The following SLX4 variants were observed in gnomAD, a reference collection of about 807,000 sequenced individuals.
The protein encoded by SLX4 is SLX4 structure-specific endonuclease subunit.
A neutral mutation model predicts 146.2 loss-of-function variants in SLX4; 112 were observed. That is an observed-to-expected ratio of 0.77 (90% CI 0.66 to 0.90). The LOEUF (loss-of-function observed/expected upper bound fraction) is 0.90. SLX4 is among the 40% of genes least tolerant of loss of function. The pLI, the probability that SLX4 is intolerant of heterozygous loss-of-function variation, is 0.00. For synonymous variants in SLX4, 1,061 were observed against 997.7 expected (o/e 1.06, Z -1.20); for missense variants, 2,563 against 2,392.7 (o/e 1.07, Z -1.49).
Position 3,583,518 on chromosome 16 carries a change from A to T in SLX4, c.4740-8T>A. The T allele has an allele frequency of 1.2e-6, 2 of 1,613,824 alleles. No individual in the cohort carries two copies. Among genetic ancestry groups the T allele is most frequent in the East Asian group, 2.2e-5 (1 of 44,898 alleles). ...AGAGGGCGGACTCCAAACCTGACGG[A>T]GGAACAGGTGGATCTCAGGACCCAC... On this transcript the variant is annotated splice_polypyrimidine_tract_variant and splice_region_variant and intron_variant, in intron 13 of 14. Transcript: ENST00000294008.
In SLX4 at chr16:3,583,151, TGA is replaced by T. The variant is rs1022072026; in HGVS notation, c.5097_5098del (p.Gln1700ArgfsTer11). ...ATCCACAGAGGTGGCCACGGATTCT[TGA>T]GAGGCTGGGATCTGGGCGTCATCAT... On this transcript the variant is annotated frameshift_variant, in exon 14 of 15. Transcript: ENST00000294008. LOFTEE classifies it high-confidence loss of function. 1.2e-6 allele frequency: 2 copies of T among 1,614,010 alleles called. No individual in the cohort carries two copies. Among genetic ancestry groups the T allele is most frequent in the African/African-American group, 2.7e-5 (2 of 74,944 alleles).
rs2040443234 is a variant in SLX4, at chr16:3,582,169, G to A, written c.*173C>T. The A allele has an allele frequency of 3.2e-6, 2 of 619,378 alleles. No homozygotes were observed. The highest frequency in any genetic ancestry group is 1.8e-5 in the African/African-American group (1 of 54,432). 38.4% of individuals were successfully genotyped at this position (619,378 alleles called of 1,614,324 possible). A position where few individuals can be genotyped will look rare whatever the true frequency, so the allele number is the denominator to read the frequency against. ...CCACCCTAGAAAGCAGAGCCCAGAG[G>A]AGGAAGCCCTGGATTGGGCTGTGGT... On this transcript the variant is annotated 3_prime_UTR_variant, in exon 15 of 15. Coordinates refer to ENST00000294008, the MANE Select transcript of SLX4 (RefSeq NM_032444.4).
At position 3,608,717 on chromosome 16, in the gene SLX4, C is replaced by G. The variant is rs771698977; in HGVS notation, c.248G>C (p.Gly83Ala). ...TTTCAATTTGCTTCTTATCTGAGTG[C>G]CGTTTGAGGCAGCCTTTTGTGTCTT... ...ERKTQKAASNGTQIRSKLKRT... is the reference protein window; with the variant it reads ...ERKTQKAASNATQIRSKLKRT... Residue 83 changes from glycine to alanine, a missense_variant, in exon 2 of 15, where the codon GGC becomes GCC. By Grantham distance (60) the Gly-to-Ala change is moderately conservative (BLOSUM62 0). Transcript: ENST00000294008. 43 of 1,614,046 alleles carry G rather than the reference C, an allele frequency of 2.7e-5. No individual in the cohort carries two copies. Among genetic ancestry groups the G allele is most frequent in the Admixed American group, 5.0e-5 (3 of 59,994 alleles).
At chr16:3,588,654 A>G (rs1246089716) in intron 12 of SLX4, among the ~76,000 whole-genome samples, 1 of 152,224 alleles carries the variant, frequency 6.6e-6, no homozygotes, top group Admixed American at 6.5e-5. Flanking sequence ...ACCCTGGTCC[A>G]ATCTTAAGGC....
Position 3,590,867 on chromosome 16 carries a change from C to T in SLX4, c.2771G>A (p.Gly924Glu). ...CTGGGGTGGCGGGAGAGCGCACTGT[C>T]CCATCTTCTCCCAGGTGGTGGCGGC... is the stretch of plus-strand genomic sequence containing the variant. ...DEAATTWEKMGQCALPPPQGQ... is the reference protein window; with the variant it reads ...DEAATTWEKMEQCALPPPQGQ... Residue 924 changes from glycine (G) to glutamate (E), a missense_variant, in exon 12 of 15, where the codon GGA becomes GAA. Coordinates refer to ENST00000294008, the MANE Select transcript of SLX4 (RefSeq NM_032444.4). This position sits in a 1 kb window ranked among gnomAD's most constrained non-coding sequence, Gnocchi z 4.8. 6.2e-7 allele frequency: 1 copy of T among 1,614,140 alleles called. No homozygotes were observed. Among genetic ancestry groups the T allele is most frequent in the Non-Finnish European group, 8.5e-7 (1 of 1,180,032 alleles).
Position 3,582,043 on chromosome 16 carries a change from AAAG to A in SLX4, c.*296_*298del. 1.0e-5 allele frequency: 5 copies of A among 477,094 alleles called. No individual in the cohort carries two copies. Among genetic ancestry groups the A allele is most frequent in the Non-Finnish European group, 1.9e-5 (5 of 262,948 alleles). The allele number at this position is 477,094 out of a possible 1,614,324, so 29.6% of individuals were successfully genotyped here. A position where few individuals can be genotyped will look rare whatever the true frequency, so the allele number is the denominator to read the frequency against. On this transcript the variant is annotated 3_prime_UTR_variant, in exon 15 of 15. Transcript: ENST00000294008. The stretch of plus-strand genomic sequence containing the variant: ...AGGTGACACAGCACGACTGTCTCAA[AAAG>A]AAAAAAAAAAAGAAAACCAAAAAGG...
Position 3,602,252 on chromosome 16 carries a change from C to T in SLX4, c.816G>A (p.Leu272=), listed in dbSNP as rs1305962254. Residue 272 remains leucine, a synonymous_variant, in exon 4 of 15, where the codon CTG becomes CTA. Coordinates refer to ENST00000294008, the MANE Select transcript of SLX4 (RefSeq NM_032444.4). ...CTCCTACCCGTGCAAACTCCTGCTG[C>T]AGGGTCAAGGCCACCGCAGCGTCGC... ...PESDAAVALT[L]QQEFARVGAS... The T allele has an allele frequency of 6.2e-7, 1 of 1,614,178 alleles. No individual in the cohort carries two copies. Among genetic ancestry groups the T allele is most frequent in the Admixed American group, 1.7e-5 (1 of 60,030 alleles).
chr16:3,603,117 G>T (rs993292042), intron 3 of SLX4, among the ~76,000 whole-genome samples: 1 of 152,138 alleles, frequency 6.6e-6, no homozygotes, highest in Non-Finnish European at 1.5e-5. Flanking sequence ...GCAACGACGC[G>T]ATCTCAGCTC....
At position 3,597,927 on chromosome 16, in the gene SLX4, C is replaced by G; in HGVS notation, c.1236G>C (p.Lys412Asn). The change falls in exon 6 of 15, where the codon AAG (lysine) becomes AAC (asparagine). Residue 412 changes from lysine to asparagine, a missense_variant. By Grantham distance (94) the Lys-to-Asn change is moderately conservative. Coordinates refer to ENST00000294008, the MANE Select transcript of SLX4 (RefSeq NM_032444.4). This position sits in a 1 kb window ranked among gnomAD's most constrained non-coding sequence, Gnocchi z 4.4. ...GGTCCTCGGACGGTGCCTCGTCCAC[C>G]TTCCGCCTCTTCCGTGGCTCCTTCT... ...TSKKEPRKRR[K>N]VDEAPSEDLL... is the part of the protein sequence containing the mutation. 6.2e-7 allele frequency: 1 copy of G among 1,614,178 alleles called. No individual in the cohort carries two copies. Among genetic ancestry groups the G allele is most frequent in the Non-Finnish European group, 8.5e-7 (1 of 1,180,046 alleles).
chr16:3,605,148 G>T (rs1305589130), intron 3 of SLX4, among the ~76,000 whole-genome samples: 2 of 151,390 alleles, frequency 1.3e-5, no homozygotes, highest in South Asian at 2.1e-4. Context: ...GGAGTGCAGT[G>T]GTGCAATCTC....
chr16:3,591,028 T>C lies in SLX4; in HGVS notation c.2610A>G (p.Ala870=), dbSNP rs749091186. Residue 870 remains alanine, a synonymous_variant, in exon 12 of 15, where the codon GCA becomes GCG. Coordinates refer to ENST00000294008, the MANE Select transcript of SLX4 (RefSeq NM_032444.4). ...TQRKLLQEER[A]AGAGEDADWL... ...AGTCAGCGTCCTCGCCGGCACCCGC[T>C]GCCCTTTCTTCCTGGAGAAGCTTTC... 6.2e-7 allele frequency: 1 copy of C among 1,614,194 alleles called. No homozygotes were observed.
chr16:3,595,625 C>T lies in SLX4; in HGVS notation c.1993G>A (p.Asp665Asn), dbSNP rs1297313370. The change falls in exon 9 of 15, where the codon GAC becomes AAC. Residue 665 changes from aspartate to asparagine, a missense_variant. Asp to Asn is a conservative substitution (Grantham distance 23). Coordinates refer to ENST00000294008, the MANE Select transcript of SLX4 (RefSeq NM_032444.4). ...CTTACCAAGGTGCGGCCGCCCCTGT[C>T]CGGGTGCTTGTCCTGCGATGGCACC... ...FVVPSQDKHP[D>N]RGGRTLLSLG... 1.2e-6 allele frequency: 2 copies of T among 1,613,914 alleles called. No homozygotes were observed. Among genetic ancestry groups the T allele is most frequent in the African/African-American group, 2.7e-5 (2 of 74,932 alleles).
rs2040543925 is a variant in SLX4, at chr16:3,589,206, T to C, written c.4432A>G (p.Ile1478Val). Residue 1478 changes from isoleucine to valine, a missense_variant, in exon 12 of 15, where the codon ATC becomes GTC. Transcript: ENST00000294008. This position sits in a 1 kb window ranked among gnomAD's most constrained non-coding sequence, Gnocchi z 6.2. The stretch of plus-strand genomic sequence containing the variant: ...CTCTGGGTAGTGCAGCTTCCTCGGA[T>C]GGGGGTGGTGTCCAGGAGTCCCGGG... The part of the protein sequence containing the change: ...RSPGLLDTTP[I>V]RGSCTTQRKL... 1 of 1,613,630 alleles carries C rather than the reference T, an allele frequency of 6.2e-7. No individual in the cohort carries two copies. Among genetic ancestry groups the C allele is most frequent in the Non-Finnish European group, 8.5e-7 (1 of 1,179,780 alleles).
In SLX4 at chr16:3,598,007, A is replaced by T. The variant is rs1457141357; in HGVS notation, c.1164-8T>A. The stretch of plus-strand genomic sequence containing the variant: ...CTACTGTGATCACTGAAGCTAGAAA[A>T]CAGCCAAAGAGAAAAGTTACTGGGG... On this transcript the variant is annotated splice_region_variant and splice_polypyrimidine_tract_variant and intron_variant, in intron 5 of 14. Transcript: ENST00000294008. 6.2e-7 allele frequency: 1 copy of T among 1,613,994 alleles called. No homozygotes were observed. Among genetic ancestry groups the T allele is most frequent in the Non-Finnish European group, 8.5e-7 (1 of 1,180,034 alleles).
At position 3,602,107 on chromosome 16, in the gene SLX4, G is replaced by A. The variant is rs376019091; in HGVS notation, c.950+11C>T. ...ATACACGGGAGAGGCGACGGCCCAA[G>A]CTGCCCCCACCTGTTCACATGCTGT... On this transcript the variant is annotated intron_variant, in intron 4 of 14. Transcript: ENST00000294008. 2.5e-6 allele frequency: 4 copies of A among 1,613,932 alleles called. No homozygotes were observed. In the African/African-American group the frequency reaches 5.3e-5, roughly 22 times the overall value.
Position 3,582,481 on chromosome 16 carries a change from CCGT to C in SLX4, c.5363_5365del (p.Asn1788_Gly1789delinsSer). The C allele has an allele frequency of 6.2e-7, 1 of 1,614,036 alleles. No homozygotes were observed. Among genetic ancestry groups the C allele is most frequent in the South Asian group, 1.1e-5 (1 of 91,088 alleles). ...CAGCCTGCGCGAGGACACACGGAGG[CCGT>C]TCTGCCTCAGCTCTGCCTGCAGCTC... On this transcript the variant is annotated inframe_deletion, in exon 15 of 15. Transcript: ENST00000294008.
chr16:3,600,865 C>T (rs557779661), intron 5 of SLX4, 114 bp downstream of exon 5: 19 of 1,146,816 alleles, frequency 1.7e-5, no homozygotes, highest in Middle Eastern at 2.8e-4. Context: ...CAAAGTGCTG[C>T]GATTACAGGT....
intron 3 of SLX4, among the ~76,000 whole-genome samples, chr16:3,603,316 T>G (rs1458635811): frequency 6.6e-6 from 1 of 152,236 alleles, no homozygotes; most frequent in South Asian, 2.1e-4. Context: ...AGTGCTGGGA[T>G]TACAGGCGTG....
chr16:3,608,505 G>C lies in SLX4; in HGVS notation c.460C>G (p.Arg154Gly). 1 of 1,614,170 alleles carries C rather than the reference G, an allele frequency of 6.2e-7. No homozygotes were observed. The highest frequency in any genetic ancestry group is 8.5e-7 in the Non-Finnish European group (1 of 1,180,034). Residue 154 changes from arginine to glycine, a missense_variant, in exon 2 of 15, where the codon CGG (arginine) becomes GGG (glycine). Physicochemically the swap from Arg to Gly is moderately radical, Grantham distance 125. Transcript: ENST00000294008. ...GTCTGGGTGTTTTGTGCTGTTTCCC[G>C]GAGCACAGGTGGATCTGGAGCAGAG... The part of the protein sequence containing the change: ...LASAPDPPVL[R>G]ETAQNTQTGN...
Sources: allele counts gnomAD v4.1 joint callset (sites outside exome capture counted in the v4.1 genomes callset), GRCh38; gene constraint gnomAD v4.1.1; non-coding constraint Gnocchi (gnomAD v3.1); transcripts MANE v1.5; gene names NCBI Gene and HGNC (gene_info 2026-07-23, HGNC 2026-07-21).